Variants in GPAT3 observed in about 807,000 individuals in gnomAD.
GPAT3 encodes the protein glycerol-3-phosphate acyltransferase 3.
Under a neutral mutation model 58.8 loss-of-function variants are expected in GPAT3, and 53 were observed. That is an observed-to-expected ratio of 0.90 (90% CI 0.72 to 1.13). The LOEUF is 1.13. Among genes scored for constraint, GPAT3 ranks in the 50% most tolerant of loss-of-function variants. The pLI is 0.00. For synonymous variants in GPAT3, 197 were observed against 187.4 expected (o/e 1.05, Z -0.42); for missense variants, 511 against 527.6 (o/e 0.97, Z 0.31).
At chr4:83,583,670 A>G (rs111414993) in intron 3 of GPAT3, among the ~76,000 whole-genome samples, 1,552 of 102,396 alleles carry the variant, frequency 0.015, 4 homozygotes, top group East Asian at 0.04. Context: ...CTTGTCTGAA[A>G]AAAAAAAAAA....
intron 1 of GPAT3, among the ~76,000 whole-genome samples, chr4:83,539,113 G>A (rs1292819562): frequency 6.6e-6 from 1 of 152,190 alleles, no homozygotes; most frequent in Non-Finnish European, 1.5e-5. Flanking sequence ...AACAGTGTTA[G>A]ATGTTTCAAA....
chr4:83,590,014 C>T (rs932848470), intron 5 of GPAT3, among the ~76,000 whole-genome samples, 185 bp from the exon 6 acceptor site: 1 of 151,998 alleles, frequency 6.6e-6, no homozygotes, highest in Non-Finnish European at 1.5e-5. Context: ...ATTGCTTGAA[C>T]CCCTGGAGGT....
chr4:83,536,768 G>A lies in GPAT3; in HGVS notation c.141+5G>A, dbSNP rs773059133. 6.2e-6 allele frequency: 10 copies of A among 1,604,840 alleles called. No individual in the cohort carries two copies. In the South Asian group the frequency reaches 1.1e-4, roughly 18 times the overall value. ...ATCCTAGTGAAAACTTTAGAGGTGA[G>A]TGCCGGGAGGGATGCAGCCAGCCCC... On this transcript the variant is annotated splice_donor_5th_base_variant and intron_variant, in intron 1 of 11. Coordinates refer to ENST00000264409, the MANE Select transcript of GPAT3 (RefSeq NM_032717.5).
At chr4:83,569,120 A>G (rs1174388215) in intron 2 of GPAT3, among the ~76,000 whole-genome samples, 1 of 152,210 alleles carries the variant, frequency 6.6e-6, no homozygotes, top group African/African-American at 2.4e-5. Flanking sequence ...TGTTGTTTGT[A>G]TCAACAAAAT....
chr4:83,589,184 T>C (rs1726495933), intron 5 of GPAT3, among the ~76,000 whole-genome samples: 1 of 152,234 alleles, frequency 6.6e-6, no homozygotes, highest in African/African-American at 2.4e-5. Context: ...GGCACACTTA[T>C]TACATAAAGA....
chr4:83,571,601 C>T (rs1194561129), intron 2 of GPAT3, among the ~76,000 whole-genome samples: 2 of 150,596 alleles, frequency 1.3e-5, no homozygotes, highest in Non-Finnish European at 3.0e-5. Flanking sequence ...TAAAAATCAG[C>T]CATATGAAAT....
intron 2 of GPAT3, among the ~76,000 whole-genome samples, chr4:83,547,390 C>T (rs1390929312): frequency 1.1e-4 from 16 of 151,024 alleles, no homozygotes; most frequent in African/African-American, 2.7e-4. Flanking sequence ...GTAGCTGGGA[C>T]TACAGGTGCC....
At chr4:83,577,929 AG>A (rs1337489928) in intron 2 of GPAT3, among the ~76,000 whole-genome samples, 1 of 150,972 alleles carries the variant, frequency 6.6e-6, no homozygotes, top group Non-Finnish European at 1.5e-5. Context: ...CCTCCCCAGT[AG>A]CCGGGATTAC....
At chr4:83,580,979 C>T (rs1726095170) in intron 2 of GPAT3, among the ~76,000 whole-genome samples, 2 of 151,288 alleles carry the variant, frequency 1.3e-5, no homozygotes, top group African/African-American at 4.9e-5. Context: ...GCCTGTAGTC[C>T]CAGCTGCTTG....
At chr4:83,549,695 C>T (rs1043420940) in intron 2 of GPAT3, among the ~76,000 whole-genome samples, 4 of 139,648 alleles carry the variant, frequency 2.9e-5, no homozygotes, top group African/African-American at 1.1e-4. Context: ...CCACGCCTGG[C>T]TAATTTTTGT....
Position 83,604,965 on chromosome 4 carries a change from T to C in GPAT3, c.*198T>C, listed in dbSNP as rs1727202622. ...TGTTGTTGTTGTAACATTAGCCCCATGGATTGTAAGGTGGTTTACTGAGTT... is the reference window on the plus strand; with the variant it reads ...TGTTGTTGTTGTAACATTAGCCCCACGGATTGTAAGGTGGTTTACTGAGTT... On this transcript the variant is annotated 3_prime_UTR_variant, in exon 12 of 12. Coordinates refer to ENST00000264409, the MANE Select transcript of GPAT3 (RefSeq NM_032717.5). The C allele has an allele frequency of 9.7e-6, 5 of 516,196 alleles. No individual in the cohort carries two copies. The highest frequency in any genetic ancestry group is 1.9e-5 in the African/African-American group (1 of 51,610). 32.0% of individuals were successfully genotyped at this position (516,196 alleles called of 1,614,324 possible). A position where few individuals can be genotyped will look rare whatever the true frequency, so the allele number is the denominator to read the frequency against.
chr4:83,569,199 G>C (rs1409157900), intron 2 of GPAT3, among the ~76,000 whole-genome samples: 1 of 152,146 alleles, frequency 6.6e-6, no homozygotes, highest in Non-Finnish European at 1.5e-5. Context: ...CAATTTAGAG[G>C]CCTTCTTTAA....
intron 2 of GPAT3, among the ~76,000 whole-genome samples, chr4:83,580,846 C>T (rs1307159279): frequency 6.6e-6 from 1 of 152,034 alleles, no homozygotes; most frequent in Non-Finnish European, 1.5e-5. Flanking sequence ...CCTGTAATCC[C>T]AGCACTTTGG....
chr4:83,562,236 A>ATT (rs1189594840), intron 2 of GPAT3, among the ~76,000 whole-genome samples: 9 of 74,054 alleles, frequency 1.2e-4, no homozygotes, highest in African/African-American at 1.6e-4. Flanking sequence ...ATATATATAT[A>ATT]ATATATATAT....
intron 1 of GPAT3, among the ~76,000 whole-genome samples, chr4:83,543,751 C>T (rs1306475202): frequency 1.3e-5 from 2 of 152,058 alleles, no homozygotes; most frequent in Admixed American, 1.3e-4. Flanking sequence ...TCAAGCAATT[C>T]TGTTTCAGCC....
intron 2 of GPAT3, among the ~76,000 whole-genome samples, chr4:83,574,624 ATTTTTTTTTTTTTTTTTTTTT>A (rs561972057): frequency 0.042 from 2,315 of 55,428 alleles, 145 homozygotes; most frequent in Non-Finnish European, 0.056. Context: ...AGTAAAATGA[ATTTTTTTTTTTTTTTTTTTTT>A]TTTTTTTTTT....
chr4:83,555,272 T>C (rs1419315184), intron 2 of GPAT3, among the ~76,000 whole-genome samples: 1 of 152,176 alleles, frequency 6.6e-6, no homozygotes, highest in Non-Finnish European at 1.5e-5. Context: ...GGCTGGGAGC[T>C]CCTGGATAGA....
chr4:83,573,891 T>C (rs1017346228), intron 2 of GPAT3, among the ~76,000 whole-genome samples: 5 of 152,212 alleles, frequency 3.3e-5, no homozygotes, highest in African/African-American at 1.2e-4. Flanking sequence ...AAATTGAACA[T>C]TACCAGTACC....
At chr4:83,550,016 C>T (rs1724695707) in intron 2 of GPAT3, among the ~76,000 whole-genome samples, 1 of 151,952 alleles carries the variant, frequency 6.6e-6, no homozygotes, top group Non-Finnish European at 1.5e-5. Context: ...AGCCACCACG[C>T]CTAGCCCATT....
Sources: allele counts gnomAD v4.1 joint callset (sites outside exome capture counted in the v4.1 genomes callset), GRCh38; gene constraint gnomAD v4.1.1; transcripts MANE v1.5; gene names NCBI Gene and HGNC (gene_info 2026-07-23, HGNC 2026-07-21).